The following VAT1L variants were observed in gnomAD, a reference collection of about 807,000 sequenced individuals.
VAT1L encodes the protein putative NADPH-dependent quinone oxidoreductase VAT1L.
In VAT1L, 34 loss-of-function variants were observed where a neutral mutation model predicts 44.1. The ratio of observed to expected loss-of-function variants is 0.77; its 90% CI spans 0.59 to 1.03. The LOEUF is 1.03. VAT1L is among the 50% of genes least tolerant of loss of function. The probability of loss-of-function intolerance (pLI) is 0.00; values close to 1 mark genes in which losing one functional copy is unlikely to be tolerated. For missense variants in VAT1L, 615 were observed against 538.8 expected (o/e 1.14, Z -1.40); for synonymous variants, 253 against 202.2 (o/e 1.25, Z -2.13).
At chr16:77,952,532 C>G (rs1050907048) in intron 7 of VAT1L, among the ~76,000 whole-genome samples, 4 of 152,034 alleles carry the variant, frequency 2.6e-5, no homozygotes, top group African/African-American at 9.7e-5. Context: ...TCCCTAGAAG[C>G]TGATCATATG....
At chr16:77,830,846 G>A (rs536021745) in intron 3 of VAT1L, among the ~76,000 whole-genome samples, 28 of 152,274 alleles carry the variant, frequency 1.8e-4, no homozygotes, top group Admixed American at 1.7e-3. Flanking sequence ...ACCATGCCCA[G>A]CTAATTTTTG....
chr16:77,971,701 C>G (rs1166825296), intron 7 of VAT1L, 149 bp from the exon 8 acceptor site: 4 of 716,952 alleles, frequency 5.6e-6, no homozygotes, highest in Non-Finnish European at 9.3e-6. Flanking sequence ...GTAGTTGCAC[C>G]CCAGCGTCCA....
chr16:77,808,825 G>A (rs112571163), intron 1 of VAT1L, among the ~76,000 whole-genome samples: 8,845 of 152,098 alleles, frequency 0.058, 503 homozygotes, highest in African/African-American at 0.13. Context: ...TTGAACTCCC[G>A]ACCTCAGGTG....
intron 7 of VAT1L, among the ~76,000 whole-genome samples, chr16:77,896,636 T>C (rs912915578): frequency 1.3e-5 from 2 of 152,128 alleles, no homozygotes; most frequent in Non-Finnish European, 2.9e-5. Flanking sequence ...CCGCGAAAGA[T>C]TTCTGGGGCC....
At chr16:77,824,532 G>C (rs1015967990) in intron 2 of VAT1L, among the ~76,000 whole-genome samples, 1 of 152,040 alleles carries the variant, frequency 6.6e-6, no homozygotes, top group Non-Finnish European at 1.5e-5. Context: ...GAGACAGGCG[G>C]ATCATGGGGT....
intron 7 of VAT1L, among the ~76,000 whole-genome samples, chr16:77,894,243 C>T (rs999866659): frequency 6.6e-6 from 1 of 152,208 alleles, no homozygotes; most frequent in African/African-American, 2.4e-5. Flanking sequence ...AGTAAAGGAA[C>T]CACCACGGCC....
intron 3 of VAT1L, among the ~76,000 whole-genome samples, chr16:77,856,308 C>T (rs2016858272): frequency 6.6e-6 from 1 of 152,066 alleles, no homozygotes; most frequent in Non-Finnish European, 1.5e-5. Context: ...TTTCCTAAGC[C>T]ATCCATTCTC....
At chr16:77,951,702 T>C (rs2018044641) in intron 7 of VAT1L, among the ~76,000 whole-genome samples, 1 of 151,780 alleles carries the variant, frequency 6.6e-6, no homozygotes, top group African/African-American at 2.4e-5. Context: ...CCAGCGACAT[T>C]TGAGGGAGGG....
At chr16:77,844,521 C>T (rs568252097) in intron 3 of VAT1L, among the ~76,000 whole-genome samples, 1 of 152,028 alleles carries the variant, frequency 6.6e-6, no homozygotes, top group Non-Finnish European at 1.5e-5. Context: ...TGATTCTCCC[C>T]CCTTAGCCTC....
intron 3 of VAT1L, among the ~76,000 whole-genome samples, chr16:77,834,214 T>C (rs2016614497): frequency 6.6e-6 from 1 of 152,202 alleles, no homozygotes; most frequent in Non-Finnish European, 1.5e-5. Flanking sequence ...TCTCTCTCTC[T>C]GTCCACTTTT....
chr16:77,920,008 T>G (rs1383801249), intron 7 of VAT1L, among the ~76,000 whole-genome samples: 1 of 152,044 alleles, frequency 6.6e-6, no homozygotes, highest in Admixed American at 6.6e-5. Context: ...TGCTTGAACC[T>G]GAGAGGCAGA....
rs545734463 is a variant in VAT1L, at chr16:77,947,809, T to A, written c.1078-24041T>A. ...TCGCTCTTGTTGTCCAGGCTGGAGT[T>A]TGCGCAATGGCATGATCTTGGCTCA... On this transcript the variant is annotated intron_variant, in intron 7 of 8. Transcript: ENST00000302536. Among the ~76,000 whole-genome samples, 4 of 152,288 alleles carry A rather than the reference T, an allele frequency of 2.6e-5. No homozygotes were observed. The South Asian group carries it at 6.2e-4, about 24-fold the overall frequency.
At chr16:77,943,115 G>A (rs546807070) in intron 7 of VAT1L, among the ~76,000 whole-genome samples, 3 of 149,914 alleles carry the variant, frequency 2.0e-5, no homozygotes, top group African/African-American at 7.4e-5. Flanking sequence ...GGAGTGCAGT[G>A]GCTCTATCTC....
intron 7 of VAT1L, among the ~76,000 whole-genome samples, chr16:77,909,360 G>T (rs1003666506): frequency 6.6e-6 from 1 of 152,154 alleles, no homozygotes; most frequent in Non-Finnish European, 1.5e-5. Flanking sequence ...TTTCTTGGCA[G>T]GTGCAGTGGC....
At chr16:77,953,014 A>T (rs2018062354) in intron 7 of VAT1L, among the ~76,000 whole-genome samples, 1 of 152,112 alleles carries the variant, frequency 6.6e-6, no homozygotes, top group African/African-American at 2.4e-5. Context: ...AAACGAGGTC[A>T]TATCAGATTA....
chr16:77,915,963 G>A (rs1048614703), intron 7 of VAT1L, among the ~76,000 whole-genome samples: 1 of 152,022 alleles, frequency 6.6e-6, no homozygotes, highest in African/African-American at 2.4e-5. Flanking sequence ...GAGAAGCAGT[G>A]CACAACACCC....
At chr16:77,811,463 C>G (rs2966059) in intron 1 of VAT1L, among the ~76,000 whole-genome samples, 34,712 of 152,044 alleles carry the variant, frequency 0.23, 4,110 homozygotes, top group South Asian at 0.3. Context: ...GAAGACACAG[C>G]GGCCTACCAT....
intron 7 of VAT1L, among the ~76,000 whole-genome samples, chr16:77,950,976 T>C (rs1258310704): frequency 1.3e-5 from 2 of 152,198 alleles, no homozygotes; most frequent in Admixed American, 6.5e-5. Flanking sequence ...GGCATTAAGT[T>C]AGTATGCTGG....
At chr16:77,854,423 G>C (rs2016837929) in intron 3 of VAT1L, among the ~76,000 whole-genome samples, 1 of 152,284 alleles carries the variant, frequency 6.6e-6, no homozygotes, top group South Asian at 2.1e-4. Context: ...CCCACACAGT[G>C]GAGTTTGAAT....
Sources: allele counts gnomAD v4.1 joint callset (sites outside exome capture counted in the v4.1 genomes callset), GRCh38; gene constraint gnomAD v4.1.1; transcripts MANE v1.5; gene names NCBI Gene and HGNC (gene_info 2026-07-23, HGNC 2026-07-21).